The following STX3 variants were observed in gnomAD, a reference collection of about 807,000 sequenced individuals.
STX3 encodes syntaxin 3.
Under a neutral mutation model 40.2 loss-of-function variants are expected in STX3, and 19 were observed. That is an observed-to-expected ratio of 0.47 (90% CI 0.33 to 0.69). The LOEUF is 0.69. STX3 is among the 30% of genes least tolerant of loss of function. The pLI is 0.02. For synonymous variants in STX3, 122 were observed against 132.2 expected (o/e 0.92, Z 0.53); for missense variants, 364 against 366.7 (o/e 0.99, Z 0.06).
chr11:59,793,537 G>A (rs75671895), intron 8 of STX3, 23 bp downstream of exon 8: 21 of 1,605,542 alleles, frequency 1.3e-5, no homozygotes, highest in African/African-American at 8.0e-5. Context: ...GAGTCCCAGC[G>A]TGGGGAGGGA....
At position 59,766,136 on chromosome 11, in the gene STX3, C is replaced by T. The variant is rs149092834; in HGVS notation, c.31-7075C>T. On this transcript the variant is annotated intron_variant, in intron 1 of 10. Transcript: ENST00000337979. ...CTTGTCCTGGGACCCTTTTGTCTGC[C>T]TGGGGTCTGGCACCTGTGGCAGGAA... 6.0e-4 allele frequency among the ~76,000 whole-genome samples: 92 copies of T among 152,274 alleles called. No individual in the cohort carries two copies. In the East Asian group the frequency reaches 0.015, roughly 25 times the overall value.
chr11:59,793,198 C>G, intron 7 of STX3, 26 bp downstream of exon 7: 5 of 1,611,906 alleles, frequency 3.1e-6, no homozygotes, highest in Non-Finnish European at 4.2e-6. Context: ...GCTCGGATAG[C>G]ACATCCCTCT....
intron 4 of STX3, among the ~76,000 whole-genome samples, chr11:59,789,641 A>T (rs2135004358): frequency 6.6e-6 from 1 of 152,274 alleles, no homozygotes; most frequent in South Asian, 2.1e-4. Context: ...AGGTTTCGCC[A>T]TGTTGGCCAG....
intron 1 of STX3, among the ~76,000 whole-genome samples, chr11:59,769,785 C>T (rs1863473720): frequency 6.6e-6 from 1 of 151,996 alleles, no homozygotes; most frequent in African/African-American, 2.4e-5. Context: ...TTCCCATTTC[C>T]TTAACACGTG....
intron 3 of STX3, among the ~76,000 whole-genome samples, chr11:59,788,365 G>T (rs140041999): frequency 6.6e-6 from 1 of 152,208 alleles, no homozygotes; most frequent in Non-Finnish European, 1.5e-5. Context: ...TTCCAAAGTT[G>T]TAGTAGGGGC....
chr11:59,787,193 C>A, intron 3 of STX3, 57 bp downstream of exon 3: 2 of 1,516,416 alleles, frequency 1.3e-6, no homozygotes, highest in Non-Finnish European at 9.1e-7. Flanking sequence ...TGGAGCTGAG[C>A]CAGCCTTGTT....
intron 1 of STX3, among the ~76,000 whole-genome samples, chr11:59,763,984 C>G (rs1863163243): frequency 6.6e-6 from 1 of 151,412 alleles, no homozygotes; most frequent in African/African-American, 2.4e-5. Flanking sequence ...AGCCATTGCA[C>G]TCCAGCCTGG....
At chr11:59,787,333 T>C (rs1864842951) in intron 3 of STX3, among the ~76,000 whole-genome samples, 197 bp downstream of exon 3, 1 of 152,150 alleles carries the variant, frequency 6.6e-6, no homozygotes, top group South Asian at 2.1e-4. Context: ...TTTGTCTTCA[T>C]GGTCCCACTC....
intron 3 of STX3, among the ~76,000 whole-genome samples, chr11:59,787,646 T>A (rs548309852): frequency 2.5e-4 from 38 of 152,240 alleles, no homozygotes; most frequent in African/African-American, 8.7e-4. Context: ...TTTGCATGGG[T>A]GTCCAACCTT....
chr11:59,790,386 C>A, intron 4 of STX3, 133 bp from the exon 5 acceptor site: 1 of 693,124 alleles, frequency 1.4e-6, no homozygotes, highest in Admixed American at 2.2e-5. Context: ...TGGGAGCTGA[C>A]CTTTTGAGGT....
chr11:59,771,834 G>A (rs1251677726), intron 1 of STX3, among the ~76,000 whole-genome samples: 2 of 152,132 alleles, frequency 1.3e-5, no homozygotes, highest in African/African-American at 2.4e-5. Flanking sequence ...ATGATGTTAC[G>A]TGGCAGAAGG....
In STX3 at chr11:59,801,632, C is replaced by T; in HGVS notation, c.*808C>T. ...CTTTGTGAGACTATTGTCTTGGGGC[C>T]AAAAATAATCAGGGATTTTAAATTG... On this transcript the variant is annotated 3_prime_UTR_variant, in exon 11 of 11. Transcript: ENST00000337979. 1.0e-6 allele frequency: 1 copy of T among 985,480 alleles called. No individual in the cohort carries two copies. The highest frequency in any genetic ancestry group is 1.2e-6 in the Non-Finnish European group (1 of 829,916). 61.0% of individuals were successfully genotyped at this position (985,480 alleles called of 1,614,324 possible).
intron 1 of STX3, among the ~76,000 whole-genome samples, chr11:59,764,645 G>A (rs1863197323): frequency 6.6e-6 from 1 of 152,118 alleles, no homozygotes; most frequent in Admixed American, 6.6e-5. Context: ...AGCCTGAGTG[G>A]GGAGGATGCC....
In STX3 at chr11:59,801,238, G is replaced by A. The variant is rs900703725; in HGVS notation, c.*414G>A. ...GAAACTGCAATGTATTTTTTTAGGG[G>A]AGTATCTTTAACAAAGCAGAATGAT... On this transcript the variant is annotated 3_prime_UTR_variant, in exon 11 of 11. Coordinates refer to ENST00000337979, the MANE Select transcript of STX3 (RefSeq NM_004177.5). 15 of 1,062,292 alleles carry A rather than the reference G, an allele frequency of 1.4e-5. No homozygotes were observed. The African/African-American group carries it at 2.5e-4, about 18-fold the overall frequency. 65.8% of individuals were successfully genotyped at this position (1,062,292 alleles called of 1,614,324 possible).
At chr11:59,764,865 AAC>A (rs567197540) in intron 1 of STX3, among the ~76,000 whole-genome samples, 3 of 150,406 alleles carry the variant, frequency 2.0e-5, no homozygotes, top group Admixed American at 6.7e-5. Flanking sequence ...TGCCTGCAAC[AAC>A]ACACACACAC....
upstream of STX3, chr11:59,754,231 G>A (rs558569): frequency 0.049 from 7,413 of 152,250 alleles, 407 homozygotes; most frequent in Admixed American, 0.13. Context: ...AGAGAACTAC[G>A]GCCGAGACCC....
At chr11:59,760,825 G>A (rs1025573292) in intron 1 of STX3, among the ~76,000 whole-genome samples, 1 of 152,132 alleles carries the variant, frequency 6.6e-6, no homozygotes, top group African/African-American at 2.4e-5. Context: ...TTGCTTCTTC[G>A]TATCCCCTTA....
In STX3 at chr11:59,755,393, C is replaced by T. The variant is rs930500631; in HGVS notation, c.-213C>T. 2.6e-5 allele frequency: 10 copies of T among 387,316 alleles called. No homozygotes were observed. The highest frequency in any genetic ancestry group is 2.4e-4 in the Admixed American group (5 of 20,992). The allele number at this position is 387,316 out of a possible 1,614,324, so 24.0% of individuals were successfully genotyped here. A position where few individuals can be genotyped will look rare whatever the true frequency, so the allele number is the denominator to read the frequency against. The stretch of plus-strand genomic sequence containing the variant: ...CGGGAGCCGGATTTGGAGCGCGAGG[C>T]GCCGGTGGGGGCGGAGGGGGCTGCG... On this transcript the variant is annotated 5_prime_UTR_variant, in exon 1 of 11. Coordinates refer to ENST00000337979, the MANE Select transcript of STX3 (RefSeq NM_004177.5).
intron 1 of STX3, among the ~76,000 whole-genome samples, chr11:59,756,621 A>G (rs1272053087): frequency 6.6e-6 from 1 of 152,094 alleles, no homozygotes; most frequent in Non-Finnish European, 1.5e-5. Context: ...TTATTCATCC[A>G]TTTCCCCAGG....
Sources: gnomAD v4.1 joint callset for allele counts (sites outside exome capture counted in the v4.1 genomes callset) on GRCh38, gnomAD v4.1.1 for gene constraint, MANE v1.5 for transcripts, NCBI Gene and HGNC (gene_info 2026-07-23, HGNC 2026-07-21) for gene names.